The following LTC4S variants were observed in gnomAD, a reference collection of about 807,000 sequenced individuals.
LTC4S encodes LTC4 synthase.
A neutral mutation model predicts 19.6 loss-of-function variants in LTC4S; 18 were observed. The ratio of observed to expected loss-of-function variants is 0.92; its 90% confidence interval spans 0.64 to 1.36. LTC4S has a LOEUF of 1.36. Among genes scored for constraint, LTC4S ranks in the 40% most tolerant of loss-of-function variants. LTC4S has a pLI of 0.00. For synonymous variants in LTC4S, 126 were observed against 110.1 expected (o/e 1.14, Z -0.91); for missense variants, 235 against 212.2 (o/e 1.11, Z -0.67).
At position 179,796,026 on chromosome 5, in the gene LTC4S, A is replaced by AGGGCCGGGCGGGGAGCGGGGCG. The variant is rs1756608153; in HGVS notation, c.311+13_311+34dup. 4.6e-6 allele frequency: 6 copies of AGGGCCGGGCGGGGAGCGGGGCG among 1,311,732 alleles called. No homozygotes were observed. Among genetic ancestry groups the AGGGCCGGGCGGGGAGCGGGGCG allele is most frequent in the Non-Finnish European group, 4.0e-6 (4 of 1,008,356 alleles). The allele number at this position is 1,311,732 out of a possible 1,614,324, so 81.3% of individuals were successfully genotyped here. A position where few individuals can be genotyped will look rare whatever the true frequency, so the allele number is the denominator to read the frequency against. On this transcript the variant is annotated splice_donor_region_variant and intron_variant, in intron 4 of 4. Coordinates refer to ENST00000292596, the MANE Select transcript of LTC4S (RefSeq NM_145867.2). ...ACGCGCGCTCCGCGCAGCTCAGGTG[A>AGGGCCGGGCGGGGAGCGGGGCG]GGGCCGGGCGGGGAGCGGGGCGGGG...
chr5:179,796,316 C>T lies in LTC4S; in HGVS notation c.375C>T (p.Gly125=), dbSNP rs1184632243. ...TGCTGGTGGCGCTGGCTGCGCTCGG[C>T]CTGCTCGCCCACTTCCTCCCGGCCG... ...LWLLVALAAL[G]LLAHFLPAAL... Residue 125 remains glycine, a synonymous_variant, in exon 5 of 5, where the codon GGC becomes GGT. Coordinates refer to ENST00000292596, the MANE Select transcript of LTC4S (RefSeq NM_145867.2). 2 of 1,483,906 alleles carry T rather than the reference C, an allele frequency of 1.3e-6. No individual in the cohort carries two copies. The highest frequency in any genetic ancestry group is 1.3e-5 in the South Asian group (1 of 78,742). The allele number at this position is 1,483,906 out of a possible 1,614,324, so 91.9% of individuals were successfully genotyped here. A position where few individuals can be genotyped will look rare whatever the true frequency, so the allele number is the denominator to read the frequency against.
chr5:179,794,090 G>A lies in LTC4S; in HGVS notation c.10G>A (p.Glu4Lys), dbSNP rs370555009. The A allele has an allele frequency of 7.3e-5, 117 of 1,613,736 alleles. No homozygotes were observed. The East Asian group carries it at 2.4e-3, about 33-fold the overall frequency. Residue 4 changes from glutamate to lysine, a missense_variant, in exon 1 of 5, where the codon GAG becomes AAG. Glu to Lys is a moderately conservative substitution (Grantham distance 56, BLOSUM62 1). Transcript: ENST00000292596. MKDEVALLAAVTLL... is the reference protein window; with the variant it reads MKDKVALLAAVTLL... ...CCACACCGACGGTACCATGAAGGAC[G>A]AGGTAGCTCTACTGGCTGCTGTCAC...
intron 1 of LTC4S, among the ~76,000 whole-genome samples, chr5:179,794,997 G>A (rs1020062609): frequency 2.6e-5 from 4 of 152,200 alleles, no homozygotes; most frequent in Non-Finnish European, 5.9e-5. Flanking sequence ...TCAGATTTAG[G>A]CCTGGGACCG....
chr5:179,795,376 C>T (rs41458244), intron 1 of LTC4S: 394,133 of 1,433,088 alleles, frequency 0.28, 57,546 homozygotes, highest in Non-Finnish European at 0.3. Context: ...CAGGCTTCAG[C>T]CCTGCCCTCC....
Position 179,796,037 on chromosome 5 carries a change from G to GGGAGC in LTC4S, c.311+18_311+22dup. On this transcript the variant is annotated intron_variant, in intron 4 of 4. Coordinates refer to ENST00000292596, the MANE Select transcript of LTC4S (RefSeq NM_145867.2). ...GCGCAGCTCAGGTGAGGGCCGGGCG[G>GGGAGC]GGAGCGGGGCGGGGCCGGGGAAAGA... 9 of 1,513,084 alleles carry GGGAGC rather than the reference G, an allele frequency of 5.9e-6. No homozygotes were observed. Among genetic ancestry groups the GGGAGC allele is most frequent in the African/African-American group, 4.3e-5 (3 of 69,978 alleles). 93.7% of individuals were successfully genotyped at this position (1,513,084 alleles called of 1,614,324 possible).
intron 4 of LTC4S, 40 bp from the exon 5 acceptor site, chr5:179,796,213 G>T: frequency 7.2e-7 from 1 of 1,391,444 alleles, no homozygotes; most frequent in Non-Finnish European, 9.4e-7. Context: ...GGAAGAAGCG[G>T]GCCTCCTCGC....
intron 1 of LTC4S, among the ~76,000 whole-genome samples, chr5:179,794,788 G>T (rs272431): frequency 0.065 from 9,908 of 152,268 alleles, 1,097 homozygotes; most frequent in African/African-American, 0.22. Context: ...TCCGACGGGA[G>T]GTCTGGGGAG....
At chr5:179,794,675 C>T (rs1461587875) in intron 1 of LTC4S, among the ~76,000 whole-genome samples, 1 of 152,232 alleles carries the variant, frequency 6.6e-6, no homozygotes, top group African/African-American at 2.4e-5. Flanking sequence ...CCAGCCTGAC[C>T]TCCAGCTGCT....
chr5:179,794,146 G>C lies in LTC4S; in HGVS notation c.58+8G>C. The C allele has an allele frequency of 1.9e-6, 3 of 1,613,302 alleles. No homozygotes were observed. The highest frequency in any genetic ancestry group is 8.5e-7 in the Non-Finnish European group (1 of 1,179,836). Reference sequence around the variant, plus strand: ...TGGGAGTCCTGCTGCAAGGTGGGCTGGTTCCTATCTAGGAAGAGGGTGGGC... The same window carrying C: ...TGGGAGTCCTGCTGCAAGGTGGGCTCGTTCCTATCTAGGAAGAGGGTGGGC... On this transcript the variant is annotated splice_region_variant and intron_variant, in intron 1 of 4. Transcript: ENST00000292596.
rs1756623497 is a variant in LTC4S, at chr5:179,796,313, C to T, written c.372C>T (p.Leu124=). 1.3e-6 allele frequency: 2 copies of T among 1,483,010 alleles called. No homozygotes were observed. The highest frequency in any genetic ancestry group is 1.5e-5 in the African/African-American group (1 of 68,336). The allele number at this position is 1,483,010 out of a possible 1,614,324, so 91.9% of individuals were successfully genotyped here. ...GGCTGCTGGTGGCGCTGGCTGCGCT[C>T]GGCCTGCTCGCCCACTTCCTCCCGG... ...ALWLLVALAA[L]GLLAHFLPAA... is the part of the protein sequence containing the mutation. The change falls in exon 5 of 5, where the codon CTC becomes CTT. Residue 124 remains leucine (L), a synonymous_variant. Transcript: ENST00000292596.
Position 179,796,274 on chromosome 5 carries a change from C to G in LTC4S, c.333C>G (p.Ser111Arg). 4.1e-6 allele frequency: 6 copies of G among 1,464,970 alleles called. No homozygotes were observed. The South Asian group carries it at 6.5e-5, about 16-fold the overall frequency. The allele number at this position is 1,464,970 out of a possible 1,614,324, so 90.7% of individuals were successfully genotyped here. A position where few individuals can be genotyped will look rare whatever the true frequency, so the allele number is the denominator to read the frequency against. Reference protein sequence around the residue: ...AQLRLAPLYASARALWLLVAL... With the variant: ...AQLRLAPLYARARALWLLVAL... ...GCAGGCTGGCACCGCTGTACGCGAGCGCGCGCGCCCTCTGGCTGCTGGTGG... is the reference window on the plus strand; with the variant it reads ...GCAGGCTGGCACCGCTGTACGCGAGGGCGCGCGCCCTCTGGCTGCTGGTGG... Residue 111 changes from serine (S) to arginine (R), a missense_variant, in exon 5 of 5, where the codon AGC (serine) becomes AGG (arginine). Physicochemically the swap from Ser to Arg is moderately radical, Grantham distance 110 (BLOSUM62 -1). Coordinates refer to ENST00000292596, the MANE Select transcript of LTC4S (RefSeq NM_145867.2).
chr5:179,795,437 G>C, intron 1 of LTC4S, 147 bp from the exon 2 acceptor site: 1 of 1,483,238 alleles, frequency 6.7e-7, no homozygotes, highest in Non-Finnish European at 8.9e-7. Flanking sequence ...GAGACGAGAG[G>C]TCTCCTCGGG....
intron 1 of LTC4S, 39 bp from the exon 2 acceptor site, chr5:179,795,545 G>T: frequency 6.3e-7 from 1 of 1,578,334 alleles, no homozygotes; most frequent in East Asian, 2.3e-5. Context: ...TGGGGCTTCG[G>T]GTGTCCAGAC....
rs921550243 is a variant in LTC4S at position 179,796,257 on chromosome 5, G to T, written c.316G>T (p.Ala106Ser). The T allele has an allele frequency of 1.4e-6, 2 of 1,464,614 alleles. No homozygotes were observed. The highest frequency in any genetic ancestry group is 1.3e-5 in the South Asian group (1 of 77,000). The allele number at this position is 1,464,614 out of a possible 1,614,324, so 90.7% of individuals were successfully genotyped here. A position where few individuals can be genotyped will look rare whatever the true frequency, so the allele number is the denominator to read the frequency against. Residue 106 changes from alanine to serine, a missense_variant, in exon 5 of 5, where the codon GCA becomes TCA. Transcript: ENST00000292596. ...CCCGCTGACCGCCGCCCGCAGGCTG[G>T]CACCGCTGTACGCGAGCGCGCGCGC... The part of the protein sequence containing the change: ...GYARSAQLRL[A>S]PLYASARALW...
In LTC4S at chr5:179,795,570, C is replaced by T. The variant is rs758419838; in HGVS notation, c.59-14C>T. 1.9e-6 allele frequency: 3 copies of T among 1,603,426 alleles called. No homozygotes were observed. The highest frequency in any genetic ancestry group is 1.3e-5 in the African/African-American group (1 of 74,540). On this transcript the variant is annotated splice_polypyrimidine_tract_variant and intron_variant, in intron 1 of 4. Coordinates refer to ENST00000292596, the MANE Select transcript of LTC4S (RefSeq NM_145867.2). The stretch of plus-strand genomic sequence containing the variant: ...GGTGTCCAGACCTGACTCCCGCTCC[C>T]CCTCCTCCCCCAGCCTACTTCTCCC...
At chr5:179,796,151 C>A in intron 4 of LTC4S, 102 bp from the exon 5 acceptor site, 1 of 1,250,700 alleles carries the variant, frequency 8.0e-7, no homozygotes. Flanking sequence ...ATTCGGTGGG[C>A]GAGCCCTGGC....
Position 179,796,532 on chromosome 5 carries a change from G to A in LTC4S, c.*138G>A. 1.6e-6 allele frequency: 2 copies of A among 1,248,898 alleles called. No homozygotes were observed. The highest frequency in any genetic ancestry group is 6.5e-5 in the East Asian group (2 of 30,726). The allele number at this position is 1,248,898 out of a possible 1,614,324, so 77.4% of individuals were successfully genotyped here. ...CCGAGACCCGGGCTGCGTTCTCTGG[G>A]TCCGCGGGGGTGGCGCACCGCGGGC... On this transcript the variant is annotated 3_prime_UTR_variant, in exon 5 of 5. Coordinates refer to ENST00000292596, the MANE Select transcript of LTC4S (RefSeq NM_145867.2).
At chr5:179,796,056 G>A (rs1252760986) in intron 4 of LTC4S, 34 bp downstream of exon 4, 3 of 1,489,972 alleles carry the variant, frequency 2.0e-6, no homozygotes, top group Admixed American at 2.1e-5. Context: ...GCGGGGCCGG[G>A]GAAAGATCGC....
At position 179,795,652 on chromosome 5, in the gene LTC4S, C is replaced by A; in HGVS notation, c.127C>A (p.Pro43Thr). The change falls in exon 2 of 5, where the codon CCA (proline) becomes ACA (threonine). Residue 43 changes from proline (P) to threonine (T), a missense_variant. Coordinates refer to ENST00000292596, the MANE Select transcript of LTC4S (RefSeq NM_145867.2). ...CGTGTCGCCGCCGCTCACCACCGGC[C>A]CACCCGAGTTCGAGCGCGTCTACCG... ...FRVSPPLTTG[P>T]PEFERVYRAQ... is the part of the protein sequence containing the mutation. 3 of 1,609,072 alleles carry A rather than the reference C, an allele frequency of 1.9e-6. No individual in the cohort carries two copies. Among genetic ancestry groups the A allele is most frequent in the Non-Finnish European group, 2.5e-6 (3 of 1,178,928 alleles).
Sources: allele counts gnomAD v4.1 joint callset (sites outside exome capture counted in the v4.1 genomes callset), GRCh38; gene constraint gnomAD v4.1.1; transcripts MANE v1.5; gene names NCBI Gene and HGNC (gene_info 2026-07-23, HGNC 2026-07-21).